GRIK5: variants seen among roughly 807,000 people sequenced by gnomAD.
The protein encoded by GRIK5 is glutamate ionotropic receptor kainate type subunit 5, also known as glutamate receptor ionotropic, kainate 5.
GRIK5 carries 43 observed loss-of-function variants against 97.4 expected under a neutral mutation model. The observed-to-expected ratio is 0.44, with a 90% CI of 0.35 to 0.57. The LOEUF (loss-of-function observed/expected upper bound fraction) is 0.57, where lower values mean the gene tolerates loss of function less well. Ranked by LOEUF, GRIK5 falls within the 20% of genes least tolerant of loss-of-function variation. The pLI is 0.01. For missense variants in GRIK5, 1,015 were observed against 1,382.0 expected, an observed-to-expected ratio of 0.73 and a Z score of 4.21; for synonymous variants, 580 against 583.5, an observed-to-expected ratio of 0.99 and a Z score of 0.09.
intron 15 of GRIK5, among the ~76,000 whole-genome samples, chr19:42,007,048 T>C (rs1328512688): frequency 2.0e-5 from 3 of 151,678 alleles, no homozygotes; most frequent in Admixed American, 6.6e-5. Flanking sequence ...GGAAATACCC[T>C]CCCACCATAA....
intron 15 of GRIK5, among the ~76,000 whole-genome samples, chr19:42,007,584 G>A (rs2075507700): frequency 1.3e-5 from 2 of 152,264 alleles, no homozygotes; most frequent in East Asian, 1.9e-4. Context: ...AACATGGCTG[G>A]AATTTGGGGG....
intron 12 of GRIK5, among the ~76,000 whole-genome samples, chr19:42,023,724 G>A (rs1041722540): frequency 2.0e-5 from 3 of 152,176 alleles, no homozygotes; most frequent in Admixed American, 6.5e-5. Flanking sequence ...CTCTGCTCCC[G>A]AAACACTCCT....
At chr19:42,044,770 C>A (rs2076022306) in intron 11 of GRIK5, among the ~76,000 whole-genome samples, 1 of 152,118 alleles carries the variant, frequency 6.6e-6, no homozygotes, top group Non-Finnish European at 1.5e-5. Flanking sequence ...GGCAACATGG[C>A]AAAACCCCGT....
intron 11 of GRIK5, among the ~76,000 whole-genome samples, chr19:42,048,807 G>A (rs2076076309): frequency 6.6e-6 from 1 of 152,054 alleles, no homozygotes; most frequent in Non-Finnish European, 1.5e-5. Flanking sequence ...AGGAGGTCAA[G>A]GTGGGTGGAT....
chr19:42,065,441 G>T lies in GRIK5; in HGVS notation c.80-54C>A. Reference sequence around the variant, plus strand: ...ACTCCTGAGTCCTGAGGAAGGAGGGGGCTGTGGTCTTAGACTCCAGGGCTC... The same window carrying T: ...ACTCCTGAGTCCTGAGGAAGGAGGGTGCTGTGGTCTTAGACTCCAGGGCTC... On this transcript the variant is annotated intron_variant, in intron 2 of 19. Transcript: ENST00000593562. The surrounding 1 kb of genome is among the most constrained non-coding windows in gnomAD (Gnocchi z 5.8). The T allele has an allele frequency of 1.7e-5, 26 of 1,520,326 alleles. No individual in the cohort carries two copies. In the South Asian group the frequency reaches 2.5e-4, roughly 14 times the overall value. 94.2% of individuals were successfully genotyped at this position (1,520,326 alleles called of 1,614,324 possible). A position where few individuals can be genotyped will look rare whatever the true frequency, so the allele number is the denominator to read the frequency against.
At chr19:42,050,175 C>T (rs560877429) in intron 11 of GRIK5, among the ~76,000 whole-genome samples, 36 of 152,240 alleles carry the variant, frequency 2.4e-4, no homozygotes, top group Admixed American at 5.9e-4. Context: ...AGTGATCCTC[C>T]CGCCTCAGTC....
chr19:42,011,836 T>C (rs867878089), intron 15 of GRIK5, among the ~76,000 whole-genome samples: 1 of 152,016 alleles, frequency 6.6e-6, no homozygotes, highest in Non-Finnish European at 1.5e-5. Flanking sequence ...TAGCTGGGCA[T>C]GGTAGAGCGC....
chr19:42,022,398 G>T lies in GRIK5; in HGVS notation c.1474-44C>A. The stretch of plus-strand genomic sequence containing the variant: ...GGCAGGGGTGGAGGGGGACAGAGGG[G>T]AAGACAGAAGTGGACAGTTAGAGAG... On this transcript the variant is annotated intron_variant, in intron 12 of 19. Transcript: ENST00000593562. This position sits in a 1 kb window ranked among gnomAD's most constrained non-coding sequence, Gnocchi z 4.2. 6.4e-7 allele frequency: 1 copy of T among 1,560,364 alleles called. No homozygotes were observed. Among genetic ancestry groups the T allele is most frequent in the Admixed American group, 1.7e-5 (1 of 58,774 alleles).
intron 8 of GRIK5, 123 bp from the exon 9 acceptor site, chr19:42,054,595 A>G: frequency 9.0e-7 from 1 of 1,106,584 alleles, no homozygotes; most frequent in Non-Finnish European, 1.3e-6. Flanking sequence ...GGAATGGGAA[A>G]CTGGGTGGGT....
chr19:42,008,718 T>C (rs1438146546), intron 15 of GRIK5, among the ~76,000 whole-genome samples: 2 of 152,010 alleles, frequency 1.3e-5, no homozygotes, highest in Non-Finnish European at 2.9e-5. Context: ...AGAATTGACA[T>C]AGATGATGAC....
chr19:42,013,993 C>A (rs2146033724), intron 15 of GRIK5, among the ~76,000 whole-genome samples: 1 of 147,882 alleles, frequency 6.8e-6, no homozygotes, highest in Non-Finnish European at 1.5e-5. Context: ...CACACTACTG[C>A]ACTCCAGTCT....
At position 42,053,905 on chromosome 19, in the gene GRIK5, G is replaced by A. The variant is rs938007633; in HGVS notation, c.1081C>T (p.Arg361Trp). 8.7e-6 allele frequency: 14 copies of A among 1,613,304 alleles called. No homozygotes were observed. The highest frequency in any genetic ancestry group is 4.0e-5 in the African/African-American group (3 of 74,878). Residue 361 changes from arginine to tryptophan, a missense_variant, in exon 10 of 20, where the codon CGG becomes TGG. Around this residue, in one of 5 missense-constraint regions of GRIK5, gnomAD observed 477 missense variants for 701.1 expected, o/e 0.68. Coordinates refer to ENST00000593562, the MANE Select transcript of GRIK5 (RefSeq NM_002088.5). ...TGCCCTTTGCTGTTGAACTCGACCCGCCCGGTCAGCCCATCATACTCTACC... is the reference window on the plus strand; with the variant it reads ...TGCCCTTTGCTGTTGAACTCGACCCACCCGGTCAGCCCATCATACTCTACC... ...RMVEYDGLTG[R>W]VEFNSKGQRT...
intron 5 of GRIK5, among the ~76,000 whole-genome samples, chr19:42,061,625 C>T (rs1460098468): frequency 6.6e-6 from 1 of 152,208 alleles, no homozygotes; most frequent in Non-Finnish European, 1.5e-5. Context: ...GACGTGTGCC[C>T]CGATGAATCG....
chr19:42,050,128 C>G (rs1327088646), intron 11 of GRIK5, among the ~76,000 whole-genome samples: 3 of 151,934 alleles, frequency 2.0e-5, no homozygotes, highest in Admixed American at 1.3e-4. Flanking sequence ...TGGGGTTTTG[C>G]CATGTTGCTC....
chr19:42,066,927 C>T (rs975847819), intron 1 of GRIK5, among the ~76,000 whole-genome samples: 1 of 152,066 alleles, frequency 6.6e-6, no homozygotes, highest in South Asian at 2.1e-4. Context: ...CATACCACTG[C>T]CCCCCACCCT....
intron 19 of GRIK5, among the ~76,000 whole-genome samples, chr19:42,000,343 G>GGA (rs773689999): frequency 3.9e-5 from 6 of 152,280 alleles, no homozygotes; most frequent in Non-Finnish European, 8.8e-5. Context: ...AGGGATGGCT[G>GGA]GACCAGAGCG....
Position 42,006,576 on chromosome 19 carries a change from G to T in GRIK5, c.2037+69C>A. The T allele has an allele frequency of 7.1e-7, 1 of 1,410,972 alleles. No homozygotes were observed. The highest frequency in any genetic ancestry group is 1.0e-6 in the Non-Finnish European group (1 of 1,002,900). 87.4% of individuals were successfully genotyped at this position (1,410,972 alleles called of 1,614,324 possible). A position where few individuals can be genotyped will look rare whatever the true frequency, so the allele number is the denominator to read the frequency against. Reference sequence around the variant, plus strand: ...CCTCTGACCCAGGAGACCCTGCCCAGACCCATCCTGAGCTGCTTTGCATGG... The same window carrying T: ...CCTCTGACCCAGGAGACCCTGCCCATACCCATCCTGAGCTGCTTTGCATGG... On this transcript the variant is annotated intron_variant, in intron 16 of 19. Transcript: ENST00000593562. The surrounding 1 kb of genome is among the most constrained non-coding windows in gnomAD (Gnocchi z 5.3).
At chr19:42,019,991 T>G (rs1390567330) in intron 15 of GRIK5, among the ~76,000 whole-genome samples, 1 of 151,748 alleles carries the variant, frequency 6.6e-6, no homozygotes, top group Non-Finnish European at 1.5e-5. Context: ...TTGGGGGTTT[T>G]TTTTTTTTTT....
At chr19:42,037,566 G>A (rs768444974) in intron 12 of GRIK5, among the ~76,000 whole-genome samples, 7 of 152,290 alleles carry the variant, frequency 4.6e-5, no homozygotes, top group Middle Eastern at 3.4e-3. Context: ...GGCTTTGCAG[G>A]GATCATGTGG....
Sources: gnomAD v4.1 joint callset for allele counts (sites outside exome capture counted in the v4.1 genomes callset) on GRCh38, gnomAD v4.1.1 for gene constraint, gnomAD v4.1.1 regional missense constraint, Gnocchi (gnomAD v3.1) non-coding constraint, MANE v1.5 for transcripts, NCBI Gene and HGNC (gene_info 2026-07-23, HGNC 2026-07-21) for gene names.